Variants in RNF168 observed in about 807,000 individuals in gnomAD.
RNF168 encodes the protein E3 ubiquitin-protein ligase RNF168.
In RNF168, 34 loss-of-function variants were observed where a neutral mutation model predicts 34.9. The observed-to-expected ratio is 0.97, with a 90% CI of 0.74 to 1.30. The LOEUF is 1.30. Ranked by LOEUF, RNF168 falls within the 50% of genes most tolerant of loss-of-function variation. RNF168 has a pLI of 0.00. For synonymous variants in RNF168, 264 were observed against 254.7 expected, an observed-to-expected ratio of 1.04 and a Z score of -0.35; for missense variants, 725 against 682.5, an observed-to-expected ratio of 1.06 and a Z score of -0.69.
chr3:196,475,552 CTT>C (rs771089639), intron 4 of RNF168, among the ~76,000 whole-genome samples: 11 of 133,418 alleles, frequency 8.2e-5, no homozygotes, highest in Admixed American at 3.1e-4. Flanking sequence ...AATATTTTTT[CTT>C]TTTTTTTTTT....
intron 1 of RNF168, among the ~76,000 whole-genome samples, chr3:196,492,027 T>C (rs1732609246): frequency 6.6e-6 from 1 of 152,044 alleles, no homozygotes; most frequent in South Asian, 2.1e-4. Flanking sequence ...GTTTCAAGCG[T>C]GGAAGATGAG....
intron 4 of RNF168, among the ~76,000 whole-genome samples, chr3:196,479,638 TG>T (rs1732240790): frequency 6.6e-6 from 1 of 151,830 alleles, no homozygotes; most frequent in Non-Finnish European, 1.5e-5. Flanking sequence ...TCGCCCAGGC[TG>T]GAGTGCAGTG....
chr3:196,491,511 T>C (rs1732595934), intron 1 of RNF168, among the ~76,000 whole-genome samples: 1 of 151,524 alleles, frequency 6.6e-6, no homozygotes. Context: ...CCGGGAGTGG[T>C]GGCAGGCACC....
chr3:196,503,637 C>T lies in RNF168; in HGVS notation c.-464G>A. On this transcript the variant is annotated 5_prime_UTR_variant, in exon 1 of 6. Coordinates refer to ENST00000318037, the MANE Select transcript of RNF168 (RefSeq NM_152617.4). ...CATAACTTCCGCTTTACCGCTGCTGCGGGGGAGACGCGCGACTCCCGTGTT... is the reference window on the plus strand; with the variant it reads ...CATAACTTCCGCTTTACCGCTGCTGTGGGGGAGACGCGCGACTCCCGTGTT... 1 of 218,386 alleles carries T rather than the reference C, an allele frequency of 4.6e-6. No individual in the cohort carries two copies. Among genetic ancestry groups the T allele is most frequent in the Non-Finnish European group, 9.4e-6 (1 of 106,186 alleles). 13.5% of individuals were successfully genotyped at this position (218,386 alleles called of 1,614,324 possible).
chr3:196,503,571 C>T lies in RNF168; in HGVS notation c.-398G>A. On this transcript the variant is annotated 5_prime_UTR_variant, in exon 1 of 6. Coordinates refer to ENST00000318037, the MANE Select transcript of RNF168 (RefSeq NM_152617.4). ...CGCTCAGCTCGGGGCAGCCGGGCCC[C>T]GGGACGCGGCTCCGGGAGGAAGCCC... 4.3e-6 allele frequency: 1 copy of T among 233,082 alleles called. No homozygotes were observed. The highest frequency in any genetic ancestry group is 4.7e-5 in the South Asian group (1 of 21,114). The allele number at this position is 233,082 out of a possible 1,614,324, so 14.4% of individuals were successfully genotyped here.
chr3:196,501,620 G>T (rs756693353), intron 1 of RNF168, among the ~76,000 whole-genome samples: 1 of 152,158 alleles, frequency 6.6e-6, no homozygotes, highest in Admixed American at 6.5e-5. Context: ...GTGATGAAAA[G>T]TTCTGGAAAC....
chr3:196,478,977 G>C (rs369198086), intron 4 of RNF168, among the ~76,000 whole-genome samples: 5 of 149,340 alleles, frequency 3.3e-5, no homozygotes, highest in African/African-American at 1.3e-4. Context: ...AAAGTGTTAG[G>C]ATTACAGGTG....
chr3:196,478,173 T>C (rs1732194926), intron 4 of RNF168, among the ~76,000 whole-genome samples: 1 of 152,202 alleles, frequency 6.6e-6, no homozygotes, highest in Non-Finnish European at 1.5e-5. Flanking sequence ...GAGTCTGAAT[T>C]TTTGGGATCC....
intron 1 of RNF168, among the ~76,000 whole-genome samples, chr3:196,490,274 T>C (rs901987225): frequency 6.6e-6 from 1 of 152,176 alleles, no homozygotes; most frequent in Non-Finnish European, 1.5e-5. Flanking sequence ...ACAAATCTGA[T>C]GAGAATTTTA....
rs772733440 is a variant in RNF168, at chr3:196,488,588, A to G, written c.378+19T>C. The G allele has an allele frequency of 1.5e-5, 22 of 1,485,144 alleles. No homozygotes were observed. In the South Asian group the frequency reaches 2.0e-4, roughly 13 times the overall value. The allele number at this position is 1,485,144 out of a possible 1,614,324, so 92.0% of individuals were successfully genotyped here. On this transcript the variant is annotated intron_variant, in intron 2 of 5. Coordinates refer to ENST00000318037, the MANE Select transcript of RNF168 (RefSeq NM_152617.4). ...ACAGCAGAGAAATATTCCAAAAAAA[A>G]AAACTATTTAGCACCTACCTTGCTT...
intron 5 of RNF168, among the ~76,000 whole-genome samples, chr3:196,473,864 G>A (rs2108644612): frequency 6.6e-6 from 1 of 152,006 alleles, no homozygotes; most frequent in African/African-American, 2.4e-5. Context: ...GTGTTTGGAA[G>A]ATAAAGCTTG....
intron 1 of RNF168, among the ~76,000 whole-genome samples, chr3:196,493,861 T>A (rs1261873217): frequency 6.6e-6 from 1 of 151,142 alleles, no homozygotes; most frequent in Non-Finnish European, 1.5e-5. Context: ...ATTTATTTTT[T>A]TTTTTTTTTG....
At chr3:196,474,270 G>A (rs1333084018) in intron 5 of RNF168, among the ~76,000 whole-genome samples, 1 of 149,608 alleles carries the variant, frequency 6.7e-6, no homozygotes, top group Admixed American at 6.7e-5. Flanking sequence ...AGGGACTACA[G>A]GTATGTGCCA....
At chr3:196,475,916 G>C (rs988789034) in intron 4 of RNF168, among the ~76,000 whole-genome samples, 1 of 149,460 alleles carries the variant, frequency 6.7e-6, no homozygotes, top group Non-Finnish European at 1.5e-5. Flanking sequence ...CTGGAGTGCA[G>C]TGGCGCGATC....
intron 4 of RNF168, 44 bp downstream of exon 4, chr3:196,483,726 T>A: frequency 3.2e-6 from 5 of 1,550,790 alleles, no homozygotes; most frequent in Non-Finnish European, 4.4e-6. Context: ...AACACTGGCA[T>A]ACAGTAGGAG....
intron 4 of RNF168, among the ~76,000 whole-genome samples, chr3:196,482,043 G>A (rs1243961029): frequency 6.7e-6 from 1 of 148,302 alleles, no homozygotes; most frequent in Non-Finnish European, 1.5e-5. Flanking sequence ...CTGGGCTTAA[G>A]CAATCCTCCT....
chr3:196,497,378 A>T (rs1732768349), intron 1 of RNF168, among the ~76,000 whole-genome samples: 1 of 152,176 alleles, frequency 6.6e-6, no homozygotes, highest in Admixed American at 6.5e-5. Context: ...CCTAAACATA[A>T]AAGTTAAAAC....
chr3:196,478,400 T>C (rs1252674883), intron 4 of RNF168, among the ~76,000 whole-genome samples: 1 of 152,162 alleles, frequency 6.6e-6, no homozygotes, highest in Non-Finnish European at 1.5e-5. Flanking sequence ...AATGCCAAAC[T>C]GTAACCACTC....
intron 5 of RNF168, among the ~76,000 whole-genome samples, chr3:196,473,710 C>T (rs975159102): frequency 6.6e-6 from 1 of 151,984 alleles, no homozygotes; most frequent in Non-Finnish European, 1.5e-5. Context: ...CAAAAATTAG[C>T]CGGGCGTGGG....
Sources: allele counts gnomAD v4.1 joint callset (sites outside exome capture counted in the v4.1 genomes callset), GRCh38; gene constraint gnomAD v4.1.1; transcripts MANE v1.5; gene names NCBI Gene and HGNC (gene_info 2026-07-23, HGNC 2026-07-21).